The following RFTN1 variants were observed in gnomAD, a reference collection of about 807,000 sequenced individuals.
RFTN1 encodes raftlin, lipid raft linker 1.
RFTN1 carries 26 observed loss-of-function variants against 46.5 expected under a neutral mutation model. The observed-to-expected ratio is 0.56, with a 90% CI of 0.41 to 0.78. The LOEUF (loss-of-function observed/expected upper bound fraction) is 0.78, where lower values mean the gene tolerates loss of function less well. Among genes scored for constraint, RFTN1 ranks in the 30% least tolerant of loss-of-function variants. The pLI, the probability that RFTN1 is intolerant of heterozygous loss-of-function variation, is 0.00. For missense variants in RFTN1, 693 were observed against 718.7 expected (o/e 0.96, Z 0.41); for synonymous variants, 261 against 284.2 (o/e 0.92, Z 0.82).
intron 7 of RFTN1, among the ~76,000 whole-genome samples, chr3:16,347,267 GGAGA>G (rs1433635570): frequency 2.6e-5 from 4 of 152,212 alleles, no homozygotes; most frequent in African/African-American, 9.7e-5. Context: ...GGGCAACCCT[GGAGA>G]GACGTCCATG....
In RFTN1 at chr3:16,353,098, A is replaced by G. The variant is rs2072206669; in HGVS notation, c.1146+4834T>C. ...GTCCCCACTGTGAGACATGAGAAAGAGCTGGGCAGGGACGTTTTGTGGTCG... is the reference window on the plus strand; with the variant it reads ...GTCCCCACTGTGAGACATGAGAAAGGGCTGGGCAGGGACGTTTTGTGGTCG... On this transcript the variant is annotated intron_variant, in intron 7 of 9. Coordinates refer to ENST00000334133, the MANE Select transcript of RFTN1 (RefSeq NM_015150.2). The surrounding 1 kb of genome is among the most constrained non-coding windows in gnomAD (Gnocchi z 5.4). Among the ~76,000 whole-genome samples the G allele has an allele frequency of 6.6e-6, 1 of 152,190 alleles. No individual in the cohort carries two copies. Among genetic ancestry groups the G allele is most frequent in the Non-Finnish European group, 1.5e-5 (1 of 68,038 alleles).
intron 1 of RFTN1, among the ~76,000 whole-genome samples, chr3:16,508,272 T>G (rs889334264): frequency 7.2e-5 from 11 of 152,102 alleles, no homozygotes; most frequent in African/African-American, 2.7e-4. Context: ...TCTCCATCAA[T>G]CCCTGCACCC....
intron 7 of RFTN1, 71 bp from the exon 8 acceptor site, chr3:16,326,947 T>C: frequency 1.7e-6 from 2 of 1,168,814 alleles, no homozygotes; most frequent in African/African-American, 1.5e-5. Flanking sequence ...GAGGGGACTA[T>C]TCAGTCTGCC....
At chr3:16,319,682 C>T (rs1266789641) in intron 9 of RFTN1, among the ~76,000 whole-genome samples, 1 of 152,210 alleles carries the variant, frequency 6.6e-6, no homozygotes, top group South Asian at 2.1e-4. Flanking sequence ...TAGAAGATCA[C>T]ATCTTGTTGA....
In RFTN1 at chr3:16,454,626, T is replaced by C. The variant is rs1193540546; in HGVS notation, c.146-20589A>G. ...TGGGGGAATTGGGTAGATGGATACA[T>C]AAGACACAAATCTCTCCTTTCTCCT... On this transcript the variant is annotated intron_variant, in intron 2 of 9. Coordinates refer to ENST00000334133, the MANE Select transcript of RFTN1 (RefSeq NM_015150.2). Among the ~76,000 whole-genome samples the C allele has an allele frequency of 3.9e-5, 6 of 152,310 alleles. No individual in the cohort carries two copies. The East Asian group carries it at 9.6e-4, about 24-fold the overall frequency.
intron 2 of RFTN1, among the ~76,000 whole-genome samples, chr3:16,486,293 C>G (rs529533501): frequency 2.0e-5 from 3 of 151,898 alleles, no homozygotes; most frequent in Non-Finnish European, 2.9e-5. Flanking sequence ...ATTCTAAATC[C>G]AGAGAAATCT....
intron 7 of RFTN1, among the ~76,000 whole-genome samples, chr3:16,331,731 G>A (rs540881197): frequency 8.5e-5 from 13 of 152,202 alleles, no homozygotes; most frequent in Middle Eastern, 3.4e-3. Context: ...TGGGTTCTTC[G>A]TAAATTACTG....
chr3:16,445,940 T>C (rs913426145), intron 2 of RFTN1, among the ~76,000 whole-genome samples: 2 of 151,980 alleles, frequency 1.3e-5, no homozygotes, highest in South Asian at 2.1e-4. Flanking sequence ...TTTTTCCCTG[T>C]CTTGCCTATT....
intron 2 of RFTN1, among the ~76,000 whole-genome samples, chr3:16,438,924 G>A (rs897155671): frequency 6.6e-6 from 1 of 151,908 alleles, no homozygotes; most frequent in Admixed American, 6.6e-5. Flanking sequence ...CTCCCAAATC[G>A]GTGCACTAAA....
In RFTN1 at chr3:16,413,558, A is replaced by G. The variant is rs2075014152; in HGVS notation, c.333-4075T>C. 6.6e-6 allele frequency among the ~76,000 whole-genome samples: 1 copy of G among 152,234 alleles called. No homozygotes were observed. Among genetic ancestry groups the G allele is most frequent in the Non-Finnish European group, 1.5e-5 (1 of 68,046 alleles). The stretch of plus-strand genomic sequence containing the variant: ...AAACTTCCCCTGGACAGAAGTCCAG[A>G]TGACTTCCACTTTTGGAAAGGACAG... On this transcript the variant is annotated intron_variant, in intron 3 of 9. Coordinates refer to ENST00000334133, the MANE Select transcript of RFTN1 (RefSeq NM_015150.2). The surrounding 1 kb of genome is among the most constrained non-coding windows in gnomAD (Gnocchi z 4.7).
chr3:16,344,013 G>T lies in RFTN1; in HGVS notation c.1146+13919C>A, dbSNP rs1047619322. On this transcript the variant is annotated intron_variant, in intron 7 of 9. Coordinates refer to ENST00000334133, the MANE Select transcript of RFTN1 (RefSeq NM_015150.2). This position sits in a 1 kb window ranked among gnomAD's most constrained non-coding sequence, Gnocchi z 4.4. ...TCAGCAGAGAGTGAGCAACCAGAAA[G>T]AAACATGGGCTGTGATCTGGAAATG... Among the ~76,000 whole-genome samples the T allele has an allele frequency of 1.3e-5, 2 of 152,186 alleles. No individual in the cohort carries two copies. The highest frequency in any genetic ancestry group is 4.8e-5 in the African/African-American group (2 of 41,432).
At position 16,407,474 on chromosome 3, in the gene RFTN1, G is replaced by A. The variant is rs2074886494; in HGVS notation, c.441+1901C>T. ...TCCCAAAGTGTTGGGATTACCAGCT[G>A]AGCCACTGTGCCCAGCCTCAAATCA... On this transcript the variant is annotated intron_variant, in intron 4 of 9. Transcript: ENST00000334133. This position sits in a 1 kb window ranked among gnomAD's most constrained non-coding sequence, Gnocchi z 4.0. Among the ~76,000 whole-genome samples the A allele has an allele frequency of 6.6e-6, 1 of 152,022 alleles. No homozygotes were observed. Among genetic ancestry groups the A allele is most frequent in the South Asian group, 2.1e-4 (1 of 4,824 alleles).
At position 16,377,649 on chromosome 3, in the gene RFTN1, A is replaced by G. The variant is rs576451369; in HGVS notation, c.826+69T>C. 203 of 1,515,902 alleles carry G rather than the reference A, an allele frequency of 1.3e-4. 6 individuals carry two copies. In the South Asian group the frequency reaches 2.4e-3, roughly 18 times the overall value. 93.9% of individuals were successfully genotyped at this position (1,515,902 alleles called of 1,614,324 possible). ...TCCATTCCTTTTTCTCTGAGATACC[A>G]TGGGGATTAATGAAAAGCTGTTAGC... On this transcript the variant is annotated intron_variant, in intron 5 of 9. Transcript: ENST00000334133.
chr3:16,493,245 T>C (rs1323263434), intron 2 of RFTN1, among the ~76,000 whole-genome samples: 1 of 152,122 alleles, frequency 6.6e-6, no homozygotes, highest in East Asian at 1.9e-4. Flanking sequence ...CTTTTTTTTT[T>C]TTTTGAGACA....
chr3:16,420,925 G>A (rs1014577858), intron 3 of RFTN1, among the ~76,000 whole-genome samples: 33 of 152,188 alleles, frequency 2.2e-4, no homozygotes, highest in African/African-American at 7.7e-4. Context: ...GCTCCCAGGT[G>A]ATGCTGATGC....
intron 2 of RFTN1, among the ~76,000 whole-genome samples, chr3:16,471,371 A>G (rs2076192548): frequency 1.3e-5 from 2 of 152,196 alleles, no homozygotes; most frequent in Admixed American, 6.5e-5. Flanking sequence ...ATGACAGAGA[A>G]GCTTTCTTCC....
intron 4 of RFTN1, among the ~76,000 whole-genome samples, chr3:16,401,777 CA>C (rs1358377882): frequency 1.3e-5 from 2 of 152,320 alleles, no homozygotes; most frequent in East Asian, 1.9e-4. Flanking sequence ...AGAAACCTCA[CA>C]AGAAAATATA....
chr3:16,353,373 C>G lies in RFTN1; in HGVS notation c.1146+4559G>C, dbSNP rs1036454360. 1.3e-5 allele frequency among the ~76,000 whole-genome samples: 2 copies of G among 152,140 alleles called. No homozygotes were observed. The highest frequency in any genetic ancestry group is 1.5e-5 in the Non-Finnish European group (1 of 68,028). On this transcript the variant is annotated intron_variant, in intron 7 of 9. Transcript: ENST00000334133. This position sits in a 1 kb window ranked among gnomAD's most constrained non-coding sequence, Gnocchi z 5.4. ...AGGCCCAAGTCAGGGTCTGACGGAG[C>G]CTCTTCAAAGAGCTGAGGTGCGGGG...
rs540104859 is a variant in RFTN1, at chr3:16,335,776, TAA to T, written c.1147-8902_1147-8901del. 0.058 allele frequency among the ~76,000 whole-genome samples: 7,966 copies of T among 136,538 alleles called. 642 individuals carry two copies. The highest frequency in any genetic ancestry group is 0.19 in the African/African-American group (7,084 of 37,712). The allele number at this position is 136,538 out of a possible 152,430, so 89.6% of individuals were successfully genotyped here. A position where few individuals can be genotyped will look rare whatever the true frequency, so the allele number is the denominator to read the frequency against. On this transcript the variant is annotated intron_variant, in intron 7 of 9. Coordinates refer to ENST00000334133, the MANE Select transcript of RFTN1 (RefSeq NM_015150.2). The surrounding 1 kb of genome is among the most constrained non-coding windows in gnomAD (Gnocchi z 4.7). ...ATCCTGCACTTGCACCCTGGAACTT[TAA>T]AAAAAAAAAAAAAAAAAGGAGTTTG...
Sources: gnomAD v4.1 joint callset for allele counts (sites outside exome capture counted in the v4.1 genomes callset) on GRCh38, gnomAD v4.1.1 for gene constraint, Gnocchi (gnomAD v3.1) non-coding constraint, MANE v1.5 for transcripts, NCBI Gene and HGNC (gene_info 2026-07-23, HGNC 2026-07-21) for gene names.